Variants in PDE4B observed in about 807,000 individuals in gnomAD.
The protein encoded by PDE4B is phosphodiesterase 4B, also known as 3',5'-cyclic-AMP phosphodiesterase 4B.
In PDE4B, 20 loss-of-function variants were observed where a neutral mutation model predicts 82.2. That is an observed-to-expected ratio of 0.24 (90% CI 0.17 to 0.35). The LOEUF is 0.35. PDE4B is among the 10% of genes least tolerant of loss of function. PDE4B has a pLI of 1.00. For missense variants in PDE4B, 655 were observed against 907.2 expected (o/e 0.72, Z 3.57); for synonymous variants, 320 against 318.9 (o/e 1.00, Z -0.04).
chr1:66,369,688 A>C (rs1048987642), intron 16 of PDE4B, among the ~76,000 whole-genome samples: 28 of 152,334 alleles, frequency 1.8e-4, no homozygotes, highest in South Asian at 1.7e-3. Flanking sequence ...TAGACTGTCC[A>C]AGATCTTTAT....
At chr1:65,876,702 G>A (rs1047347602) in intron 1 of PDE4B, among the ~76,000 whole-genome samples, 1 of 151,956 alleles carries the variant, frequency 6.6e-6, no homozygotes. Flanking sequence ...ATTAATAACT[G>A]TTACTTATAA....
At chr1:66,124,747 A>C (rs182392059) in intron 3 of PDE4B, among the ~76,000 whole-genome samples, 46 of 152,266 alleles carry the variant, frequency 3.0e-4, no homozygotes, top group Admixed American at 1.9e-3. Flanking sequence ...AGGGGAAAAA[A>C]AAAGTTAATT....
chr1:66,146,455 A>T (rs1040608377), intron 3 of PDE4B, among the ~76,000 whole-genome samples: 1 of 152,076 alleles, frequency 6.6e-6, no homozygotes, highest in Non-Finnish European at 1.5e-5. Context: ...AAGTGCTGGG[A>T]TTACAGGCGT....
At chr1:66,282,164 T>G (rs755380209) in intron 7 of PDE4B, among the ~76,000 whole-genome samples, 13 of 152,218 alleles carry the variant, frequency 8.5e-5, no homozygotes, top group Non-Finnish European at 1.8e-4. Flanking sequence ...ACATTTAATC[T>G]GTTTTTTTTT....
chr1:66,335,056 C>T (rs750434626), intron 8 of PDE4B, among the ~76,000 whole-genome samples: 7 of 152,184 alleles, frequency 4.6e-5, no homozygotes, highest in East Asian at 1.9e-4. Flanking sequence ...GATTTCCATC[C>T]AAGTTGACAT....
At chr1:66,286,311 A>T (rs1656672360) in intron 7 of PDE4B, among the ~76,000 whole-genome samples, 1 of 152,062 alleles carries the variant, frequency 6.6e-6, no homozygotes, top group Admixed American at 6.6e-5. Flanking sequence ...CTAATTATGA[A>T]TCACAGGTGA....
chr1:65,850,110 C>CTTTTTT (rs57662381), intron 1 of PDE4B, among the ~76,000 whole-genome samples: 3 of 97,476 alleles, frequency 3.1e-5, no homozygotes, highest in African/African-American at 4.0e-5. Flanking sequence ...TTGCCCTGCA[C>CTTTTTT]TTTTTTTTTT....
intron 6 of PDE4B, among the ~76,000 whole-genome samples, chr1:66,258,559 G>A (rs759483667): frequency 1.3e-5 from 2 of 152,152 alleles, no homozygotes; most frequent in African/African-American, 2.4e-5. Flanking sequence ...CATAGAACCC[G>A]TGATCCTGGA....
chr1:66,309,259 A>G (rs1318115742), intron 7 of PDE4B, among the ~76,000 whole-genome samples: 1 of 152,202 alleles, frequency 6.6e-6, no homozygotes, highest in African/African-American at 2.4e-5. Context: ...AAGACACAAG[A>G]CGTAATGGTC....
At chr1:66,160,406 C>A (rs1266088920) in intron 3 of PDE4B, among the ~76,000 whole-genome samples, 2 of 152,128 alleles carry the variant, frequency 1.3e-5, no homozygotes, top group Admixed American at 6.5e-5. Flanking sequence ...CTACATAGTG[C>A]AGTAAATTAT....
At chr1:65,854,451 C>T (rs1646369259) in intron 1 of PDE4B, among the ~76,000 whole-genome samples, 1 of 151,322 alleles carries the variant, frequency 6.6e-6, no homozygotes, top group South Asian at 2.1e-4. Flanking sequence ...ATTCTCCCAG[C>T]CTTTTTTTTT....
chr1:65,796,930 T>C (rs953214508), intron 1 of PDE4B, among the ~76,000 whole-genome samples: 1 of 151,386 alleles, frequency 6.6e-6, no homozygotes, highest in African/African-American at 2.4e-5. Flanking sequence ...ATTACAGGCT[T>C]GAGCCACCGT....
At chr1:66,012,535 G>T (rs951693840) in intron 3 of PDE4B, among the ~76,000 whole-genome samples, 2 of 152,046 alleles carry the variant, frequency 1.3e-5, no homozygotes, top group African/African-American at 4.8e-5. Context: ...ATGACAACAG[G>T]CTCACACCCC....
At chr1:66,136,190 A>G (rs1277551646) in intron 3 of PDE4B, among the ~76,000 whole-genome samples, 1 of 152,128 alleles carries the variant, frequency 6.6e-6, no homozygotes, top group Non-Finnish European at 1.5e-5. Context: ...ACCCTAATCT[A>G]AGATATCCTT....
intron 9 of PDE4B, among the ~76,000 whole-genome samples, chr1:66,361,254 A>C (rs1662743592): frequency 6.6e-6 from 1 of 152,166 alleles, no homozygotes; most frequent in African/African-American, 2.4e-5. Flanking sequence ...TTAGTGCCCC[A>C]CATTGCAAAT....
intron 3 of PDE4B, among the ~76,000 whole-genome samples, chr1:66,134,367 A>C (rs1363382506): frequency 6.6e-6 from 1 of 152,242 alleles, no homozygotes. Context: ...CAAAGGTACC[A>C]CGGCCTTTTA....
chr1:66,077,234 G>A (rs555842781), intron 3 of PDE4B, among the ~76,000 whole-genome samples: 1 of 152,082 alleles, frequency 6.6e-6, no homozygotes, highest in South Asian at 2.1e-4. Context: ...AGGTCTGATT[G>A]CTTTTTCTTT....
chr1:66,211,218 T>G (rs1418576531), intron 3 of PDE4B, among the ~76,000 whole-genome samples: 1 of 152,240 alleles, frequency 6.6e-6, no homozygotes, highest in African/African-American at 2.4e-5. Flanking sequence ...TCTCTCCTAA[T>G]ACTCAGACAC....
chr1:66,320,877 A>G (rs1393094705), intron 7 of PDE4B, among the ~76,000 whole-genome samples: 1 of 152,226 alleles, frequency 6.6e-6, no homozygotes, highest in African/African-American at 2.4e-5. Context: ...AGATGACACT[A>G]GGCTGCATCC....
Sources: allele counts gnomAD v4.1 joint callset (sites outside exome capture counted in the v4.1 genomes callset), GRCh38; gene constraint gnomAD v4.1.1; transcripts MANE v1.5; gene names NCBI Gene and HGNC (gene_info 2026-07-23, HGNC 2026-07-21).